The following NUDT4 variants were observed in gnomAD, a reference collection of about 807,000 sequenced individuals.
The protein encoded by NUDT4 is diphosphoinositol polyphosphate phosphohydrolase 2.
In NUDT4, 5 loss-of-function variants were observed where a neutral mutation model predicts 23.1. The ratio of observed to expected loss-of-function variants is 0.22; its 90% confidence interval spans 0.11 to 0.46. The LOEUF (loss-of-function observed/expected upper bound fraction) is 0.46. Ranked by LOEUF, NUDT4 falls within the 20% of genes least tolerant of loss-of-function variation. NUDT4 has a pLI of 0.99. For synonymous variants in NUDT4, 50 were observed against 79.0 expected (o/e 0.63, Z 1.95); for missense variants, 96 against 211.6 (o/e 0.45, Z 3.39).
At chr12:93,394,260 C>T (rs1385040887) in intron 1 of NUDT4, among the ~76,000 whole-genome samples, 5 of 152,184 alleles carry the variant, frequency 3.3e-5, no homozygotes, top group African/African-American at 7.2e-5. Flanking sequence ...CCTCGGCCTC[C>T]CAGAGTGCTG....
intron 1 of NUDT4, among the ~76,000 whole-genome samples, chr12:93,381,776 C>G (rs960491678): frequency 1.3e-5 from 2 of 152,170 alleles, no homozygotes; most frequent in Non-Finnish European, 2.9e-5. Context: ...AGTTGCTACG[C>G]AAGAACAAAG....
chr12:93,386,024 G>A (rs1018233560), intron 1 of NUDT4, among the ~76,000 whole-genome samples: 4 of 146,690 alleles, frequency 2.7e-5, no homozygotes, highest in Non-Finnish European at 4.5e-5. Flanking sequence ...TAGCCAGGCT[G>A]GAGTGCAGTG....
chr12:93,406,708 ATAAG>A lies in NUDT4; in HGVS notation c.*7333_*7336del, dbSNP rs1350558010. 1 of 152,224 alleles carries A rather than the reference ATAAG, an allele frequency of 6.6e-6. No individual in the cohort carries two copies. Among genetic ancestry groups the A allele is most frequent in the Non-Finnish European group, 1.5e-5 (1 of 68,050 alleles). 9.4% of individuals were successfully genotyped at this position (152,224 alleles called of 1,614,324 possible). On this transcript the variant is annotated 3_prime_UTR_variant, in exon 5 of 5. Coordinates refer to ENST00000415493, the MANE Select transcript of NUDT4 (RefSeq NM_019094.6). The stretch of plus-strand genomic sequence containing the variant: ...TAGCACTTACATTATAATAGGTATT[ATAAG>A]TAATCTAAATATTAACATAAGCGGG...
intron 1 of NUDT4, among the ~76,000 whole-genome samples, chr12:93,392,021 C>T (rs1876546568): frequency 6.6e-6 from 1 of 151,042 alleles, no homozygotes; most frequent in South Asian, 2.1e-4. Context: ...GTAGCTGGGA[C>T]TACAGGAATG....
chr12:93,392,708 G>T (rs1592723297), intron 1 of NUDT4, among the ~76,000 whole-genome samples: 1 of 92,124 alleles, frequency 1.1e-5, no homozygotes, highest in African/African-American at 4.6e-5. Flanking sequence ...GTCTTGCTCT[G>T]TTGCCCAGGC....
At position 93,401,943 on chromosome 12, in the gene NUDT4, T is replaced by G. The variant is rs1340391982; in HGVS notation, c.*2564T>G. 1.2e-4 allele frequency: 13 copies of G among 111,650 alleles called. No individual in the cohort carries two copies. Among genetic ancestry groups the G allele is most frequent in the South Asian group, 2.9e-4 (1 of 3,422 alleles). 6.9% of individuals were successfully genotyped at this position (111,650 alleles called of 1,614,324 possible). A position where few individuals can be genotyped will look rare whatever the true frequency, so the allele number is the denominator to read the frequency against. ...TGTGATTTTTTTTTTTTTTTTTTGG[T>G]GGGGTAGTTGAATAAAATTGGGCAG... On this transcript the variant is annotated 3_prime_UTR_variant, in exon 5 of 5. Transcript: ENST00000415493.
At chr12:93,390,339 C>T (rs913780482) in intron 1 of NUDT4, among the ~76,000 whole-genome samples, 2 of 152,242 alleles carry the variant, frequency 1.3e-5, no homozygotes, top group South Asian at 2.1e-4. Flanking sequence ...TCCAGTGATG[C>T]GAGACAAACT....
rs139150756 is a variant in NUDT4, at chr12:93,378,550, C to T, written c.99+129C>T. ...GATTAGCCCCCTTCCTCCCTCCCTCCTTTCCTCCCTCACTCCTTTCCTCCC... is the reference window on the plus strand; with the variant it reads ...GATTAGCCCCCTTCCTCCCTCCCTCTTTTCCTCCCTCACTCCTTTCCTCCC... On this transcript the variant is annotated intron_variant, in intron 1 of 4. Transcript: ENST00000415493. 393 of 1,314,132 alleles carry T rather than the reference C, an allele frequency of 3.0e-4. 1 individual carries two copies. The African/African-American group carries it at 5.7e-3, about 19-fold the overall frequency. The allele number at this position is 1,314,132 out of a possible 1,614,324, so 81.4% of individuals were successfully genotyped here.
At chr12:93,395,712 A>AT (rs1478324442) in intron 3 of NUDT4, among the ~76,000 whole-genome samples, 179 bp downstream of exon 3, 1 of 151,886 alleles carries the variant, frequency 6.6e-6, no homozygotes, top group Non-Finnish European at 1.5e-5. Context: ...CACCACTTTT[A>AT]TTTATTTATT....
rs571014180 is a variant in NUDT4, at chr12:93,396,781, C to T, written c.255+1248C>T. Among the ~76,000 whole-genome samples, 23 of 152,242 alleles carry T rather than the reference C, an allele frequency of 1.5e-4. No individual in the cohort carries two copies. The South Asian group carries it at 3.3e-3, about 22-fold the overall frequency. On this transcript the variant is annotated intron_variant, in intron 3 of 4. Transcript: ENST00000415493. Reference sequence around the variant, plus strand: ...TACAAAAATTAGCCGGGCATGGTGACGCACGCCTGTAGTCCCAGCTACTTG... The same window carrying T: ...TACAAAAATTAGCCGGGCATGGTGATGCACGCCTGTAGTCCCAGCTACTTG...
rs1484307657 is a variant in NUDT4 at position 93,405,341 on chromosome 12, GAGAA to G, written c.*5968_*5971del. On this transcript the variant is annotated 3_prime_UTR_variant, in exon 5 of 5. Transcript: ENST00000415493. ...ATCAGGAGTCTTTAAAAATAAAACT[GAGAA>G]AGAAAAATCATGTGATCAATTCAGT... The G allele has an allele frequency of 4.6e-5, 7 of 152,174 alleles. No homozygotes were observed. The highest frequency in any genetic ancestry group is 1.9e-4 in the East Asian group (1 of 5,204). The allele number at this position is 152,174 out of a possible 1,614,324, so 9.4% of individuals were successfully genotyped here. A position where few individuals can be genotyped will look rare whatever the true frequency, so the allele number is the denominator to read the frequency against.
intron 1 of NUDT4, among the ~76,000 whole-genome samples, chr12:93,393,571 T>G (rs1876715081): frequency 6.6e-6 from 1 of 152,186 alleles, no homozygotes; most frequent in Admixed American, 6.5e-5. Flanking sequence ...AGTAAGTGAC[T>G]CGATTCTAAT....
chr12:93,398,456 C>T (rs181498555), intron 3 of NUDT4, among the ~76,000 whole-genome samples: 1 of 151,932 alleles, frequency 6.6e-6, no homozygotes, highest in Admixed American at 6.6e-5. Flanking sequence ...AAGGCCAAAG[C>T]AGGAGGTTCC....
At chr12:93,392,254 C>CTTTTT (rs1175905948) in intron 1 of NUDT4, among the ~76,000 whole-genome samples, 1 of 104,582 alleles carries the variant, frequency 9.6e-6, no homozygotes, top group Non-Finnish European at 1.9e-5. Context: ...CCCCCCCCCC[C>CTTTTT]TTTTTTTTTT....
At position 93,407,417 on chromosome 12, in the gene NUDT4, CTT is replaced by C. The variant is rs931103287; in HGVS notation, c.*8041_*8042del. ...ACAACTAGTGGGCAAACATGAAACA[CTT>C]TTGTTGAATAATGTGTTTCCTTTAG... On this transcript the variant is annotated 3_prime_UTR_variant, in exon 5 of 5. Transcript: ENST00000415493. 2.0e-5 allele frequency: 3 copies of C among 152,206 alleles called. No individual in the cohort carries two copies. Among genetic ancestry groups the C allele is most frequent in the South Asian group, 2.1e-4 (1 of 4,834 alleles). 9.4% of individuals were successfully genotyped at this position (152,206 alleles called of 1,614,324 possible). A position where few individuals can be genotyped will look rare whatever the true frequency, so the allele number is the denominator to read the frequency against.
At position 93,406,212 on chromosome 12, in the gene NUDT4, G is replaced by A. The variant is rs990330203; in HGVS notation, c.*6833G>A. 7.6e-6 allele frequency: 1 copy of A among 131,764 alleles called. No homozygotes were observed. Among genetic ancestry groups the A allele is most frequent in the Admixed American group, 9.0e-5 (1 of 11,084 alleles). The allele number at this position is 131,764 out of a possible 1,614,324, so 8.2% of individuals were successfully genotyped here. A position where few individuals can be genotyped will look rare whatever the true frequency, so the allele number is the denominator to read the frequency against. ...GAACGCGGGAGGCAGAACCTGCAGTGAGCCAAGATCATGCCACAGCACTCC... is the reference window on the plus strand; with the variant it reads ...GAACGCGGGAGGCAGAACCTGCAGTAAGCCAAGATCATGCCACAGCACTCC... On this transcript the variant is annotated 3_prime_UTR_variant, in exon 5 of 5. Coordinates refer to ENST00000415493, the MANE Select transcript of NUDT4 (RefSeq NM_019094.6).
At chr12:93,387,314 G>A (rs1187220896) in intron 1 of NUDT4, among the ~76,000 whole-genome samples, 1 of 152,144 alleles carries the variant, frequency 6.6e-6, no homozygotes, top group African/African-American at 2.4e-5. Context: ...ATGTAGTCCA[G>A]AAAAATCTAC....
rs149780278 is a variant in NUDT4, at chr12:93,404,128, G to C, written c.*4749G>C. 2.6e-5 allele frequency: 4 copies of C among 152,138 alleles called. No individual in the cohort carries two copies. The highest frequency in any genetic ancestry group is 9.7e-5 in the African/African-American group (4 of 41,410). 9.4% of individuals were successfully genotyped at this position (152,138 alleles called of 1,614,324 possible). On this transcript the variant is annotated 3_prime_UTR_variant, in exon 5 of 5. Coordinates refer to ENST00000415493, the MANE Select transcript of NUDT4 (RefSeq NM_019094.6). ...TTTCTCAACTTTTCCTCAAATTCAT[G>C]TTAGTGAAGTACTTTCATTTGGCCA...
intron 1 of NUDT4, among the ~76,000 whole-genome samples, chr12:93,385,480 A>T (rs1292743551): frequency 6.6e-6 from 1 of 152,192 alleles, no homozygotes; most frequent in Non-Finnish European, 1.5e-5. Flanking sequence ...ATCTTGATGG[A>T]TACAGAAAAT....
Sources: gnomAD v4.1 joint callset for allele counts (sites outside exome capture counted in the v4.1 genomes callset) on GRCh38, gnomAD v4.1.1 for gene constraint, MANE v1.5 for transcripts, NCBI Gene and HGNC (gene_info 2026-07-23, HGNC 2026-07-21) for gene names.